Variants in TCF12 observed in about 807,000 individuals in gnomAD.
TCF12 encodes the protein transcription factor 12.
TCF12 carries 45 observed loss-of-function variants against 86.0 expected under a neutral mutation model. That is an observed-to-expected ratio of 0.52 (90% CI 0.41 to 0.67). TCF12 has a LOEUF of 0.67. TCF12 is among the 30% of genes least tolerant of loss of function. TCF12 has a pLI of 0.00. For missense variants in TCF12, 881 were observed against 859.9 expected (o/e 1.02, Z -0.31); for synonymous variants, 330 against 299.6 (o/e 1.10, Z -1.05).
intron 6 of TCF12, among the ~76,000 whole-genome samples, chr15:57,181,329 GTCC>G (rs201153353): frequency 0.012 from 1,885 of 152,002 alleles, 41 homozygotes; most frequent in African/African-American, 0.043. Context: ...GGCTTAAGCA[GTCC>G]TCCTGCCTCA....
intron 5 of TCF12, among the ~76,000 whole-genome samples, chr15:57,147,841 G>T (rs1233928141): frequency 6.6e-6 from 1 of 150,548 alleles, no homozygotes; most frequent in Non-Finnish European, 1.5e-5. Flanking sequence ...TTTACCAAAG[G>T]TTACTGGCCA....
intron 16 of TCF12, 91 bp from the exon 17 acceptor site, chr15:57,262,003 T>C: frequency 1.3e-6 from 1 of 766,504 alleles, no homozygotes; most frequent in Non-Finnish European, 2.0e-6. Context: ...TGACACTGTT[T>C]TCTCTATTAA....
At chr15:57,090,437 T>TA (rs1289926007) in intron 4 of TCF12, among the ~76,000 whole-genome samples, 1 of 152,202 alleles carries the variant, frequency 6.6e-6, no homozygotes, top group African/African-American at 2.4e-5. Context: ...CTGAAGTATG[T>TA]AAAAATGAAA....
intron 6 of TCF12, among the ~76,000 whole-genome samples, chr15:57,190,199 TTGAAA>T (rs2056908861): frequency 6.6e-6 from 1 of 152,194 alleles, no homozygotes; most frequent in South Asian, 2.1e-4. Flanking sequence ...TGCCACTGAT[TTGAAA>T]TGAAATGAAA....
intron 5 of TCF12, among the ~76,000 whole-genome samples, chr15:57,125,425 C>T (rs2151312786): frequency 6.6e-6 from 1 of 152,278 alleles, no homozygotes; most frequent in Non-Finnish European, 1.5e-5. Flanking sequence ...AGGCCAACAA[C>T]AAATGAAGCA....
chr15:57,150,181 G>A (rs571347476), intron 5 of TCF12, among the ~76,000 whole-genome samples: 2 of 152,290 alleles, frequency 1.3e-5, no homozygotes, highest in South Asian at 2.1e-4. Context: ...GATTTATAGG[G>A]TAAAAAGGAA....
intron 16 of TCF12, among the ~76,000 whole-genome samples, chr15:57,256,049 T>G (rs550391651): frequency 4.6e-4 from 70 of 152,342 alleles, no homozygotes; most frequent in Non-Finnish European, 9.1e-4. Flanking sequence ...GTAGTGGAGA[T>G]AAGATGTATC....
At chr15:57,241,985 C>A (rs912206217) in intron 12 of TCF12, among the ~76,000 whole-genome samples, 1 of 151,680 alleles carries the variant, frequency 6.6e-6, no homozygotes, top group East Asian at 1.9e-4. Context: ...GAGTAAGACT[C>A]CATCTCAGGG....
intron 16 of TCF12, 141 bp from the exon 17 acceptor site, chr15:57,261,953 G>C (rs1597723047): frequency 1.9e-6 from 1 of 535,042 alleles, no homozygotes; most frequent in East Asian, 3.1e-5. Flanking sequence ...CCAAAAACCA[G>C]AATAATGGCA....
At chr15:56,954,516 G>A (rs1311711187) in intron 3 of TCF12, among the ~76,000 whole-genome samples, 1 of 152,138 alleles carries the variant, frequency 6.6e-6, no homozygotes, top group African/African-American at 2.4e-5. Flanking sequence ...CATGGGCAAG[G>A]ACTTCATGAC....
intron 3 of TCF12, among the ~76,000 whole-genome samples, chr15:57,016,199 T>TA (rs1474980388): frequency 6.6e-6 from 1 of 152,182 alleles, no homozygotes; most frequent in African/African-American, 2.4e-5. Context: ...ATTTTATCTC[T>TA]AAAAGGTATT....
intron 13 of TCF12, chr15:57,247,413 GTCA>G: frequency 1.5e-6 from 1 of 685,916 alleles, no homozygotes; most frequent in South Asian, 1.5e-5. Flanking sequence ...TGTGACCTCT[GTCA>G]TCCAGCAGAC....
intron 5 of TCF12, among the ~76,000 whole-genome samples, chr15:57,092,847 A>AATT (rs1458367673): frequency 3.3e-5 from 5 of 152,206 alleles, no homozygotes; most frequent in African/African-American, 1.2e-4. Context: ...TTGTGATCTT[A>AATT]GAATCGTCCT....
intron 3 of TCF12, among the ~76,000 whole-genome samples, chr15:56,944,159 T>G (rs1413602276): frequency 6.6e-6 from 1 of 152,236 alleles, no homozygotes; most frequent in Non-Finnish European, 1.5e-5. Context: ...TGTTGAGCTA[T>G]GTATTATATT....
At chr15:56,932,572 T>C (rs1285840153) in intron 3 of TCF12, among the ~76,000 whole-genome samples, 1 of 152,012 alleles carries the variant, frequency 6.6e-6, no homozygotes, top group Non-Finnish European at 1.5e-5. Context: ...ATTATTATTA[T>C]TATTATTATT....
At chr15:57,020,112 A>T (rs1239256381) in intron 3 of TCF12, among the ~76,000 whole-genome samples, 1 of 152,230 alleles carries the variant, frequency 6.6e-6, no homozygotes, top group African/African-American at 2.4e-5. Context: ...CATTTATAAA[A>T]ACCCAGTCAT....
At chr15:57,175,892 G>A (rs1266554862) in intron 6 of TCF12, among the ~76,000 whole-genome samples, 4 of 152,186 alleles carry the variant, frequency 2.6e-5, no homozygotes, top group Admixed American at 2.0e-4. Flanking sequence ...AAAAAGAAAT[G>A]TTGTCATGTG....
At chr15:56,920,022 G>C in intron 2 of TCF12, 34 bp downstream of exon 2, 8 of 1,612,348 alleles carry the variant, frequency 5.0e-6, no homozygotes, top group Non-Finnish European at 6.8e-6. Context: ...TTGGGGTTCT[G>C]CTGAGGTTTT....
chr15:57,230,165 C>T (rs1258579882), intron 8 of TCF12, among the ~76,000 whole-genome samples: 6 of 152,010 alleles, frequency 3.9e-5, no homozygotes. Flanking sequence ...TTTTAAAATA[C>T]ATGCTTCCAT....
Sources: allele counts gnomAD v4.1 joint callset (sites outside exome capture counted in the v4.1 genomes callset), GRCh38; gene constraint gnomAD v4.1.1; transcripts MANE v1.5; gene names NCBI Gene and HGNC (gene_info 2026-07-23, HGNC 2026-07-21).